Variants in PAM observed in about 807,000 individuals in gnomAD.
PAM encodes the protein peptidyl-glycine alpha-amidating monooxygenase.
A neutral mutation model predicts 122.1 loss-of-function variants in PAM; 72 were observed. The ratio of observed to expected loss-of-function variants is 0.59; its 90% CI spans 0.49 to 0.72. The LOEUF (loss-of-function observed/expected upper bound fraction) is 0.72, where lower values mean the gene tolerates loss of function less well. Ranked by LOEUF, PAM falls within the 30% of genes least tolerant of loss-of-function variation. The pLI is 0.00. For synonymous variants in PAM, 389 were observed against 404.4 expected, an observed-to-expected ratio of 0.96 and a Z score of 0.46; for missense variants, 1,106 against 1,183.7, an observed-to-expected ratio of 0.93 and a Z score of 0.96.
At chr5:102,900,809 A>G (rs1288969588) in intron 3 of PAM, among the ~76,000 whole-genome samples, 3 of 151,592 alleles carry the variant, frequency 2.0e-5, no homozygotes, top group African/African-American at 7.3e-5. Flanking sequence ...GATGAGACCA[A>G]TAACTAGAAA....
intron 15 of PAM, among the ~76,000 whole-genome samples, chr5:102,989,152 A>G (rs1371844126): frequency 2.6e-5 from 4 of 152,166 alleles, no homozygotes; most frequent in African/African-American, 9.7e-5. Flanking sequence ...TATATCCTCA[A>G]TTAGTATAGA....
At position 102,867,373 on chromosome 5, in the gene PAM, C is replaced by A; in HGVS notation, c.190C>A (p.Pro64Thr). 1.2e-6 allele frequency: 2 copies of A among 1,608,862 alleles called. No individual in the cohort carries two copies. The highest frequency in any genetic ancestry group is 1.7e-6 in the Non-Finnish European group (2 of 1,175,554). Residue 64 changes from proline (P) to threonine (T), a missense_variant, in exon 3 of 26, where the codon CCT (proline) becomes ACT (threonine). This residue lies in a region of PAM where 670 missense variants were observed against 690.3 expected (regional missense o/e 0.97). Transcript: ENST00000438793. ...AGATTTTGCATTGGATATTCGCATG[C>A]CTGGGGTTACACCTAAACAGGTGAG... The part of the protein sequence containing the change: ...SSDFALDIRM[P>T]GVTPKQSDTY...
At chr5:102,864,301 CAGA>C (rs1208726176) in intron 1 of PAM, among the ~76,000 whole-genome samples, 1 of 151,600 alleles carries the variant, frequency 6.6e-6, no homozygotes, top group East Asian at 1.9e-4. Context: ...TCTCTTCCTC[CAGA>C]AGGAGTTCTT....
intron 1 of PAM, among the ~76,000 whole-genome samples, chr5:102,764,831 C>A (rs1267950882): frequency 6.6e-6 from 1 of 152,208 alleles, no homozygotes; most frequent in Non-Finnish European, 1.5e-5. Flanking sequence ...ATGACAATCC[C>A]TTCATCAGCC....
rs34520533 is a variant in PAM at position 102,948,364 on chromosome 5, AT to A, written c.576-7del. ...TTTTCAGGTATTTTAGAAAAATGTT[AT>A]TTTTTTCTGCAGACAGCCTTTAATT... On this transcript the variant is annotated splice_polypyrimidine_tract_variant and intron_variant, in intron 8 of 25. Coordinates refer to ENST00000438793, the MANE Select transcript of PAM (RefSeq NM_001177306.2). The A allele has an allele frequency of 1.3e-6, 2 of 1,516,236 alleles. No homozygotes were observed. Among genetic ancestry groups the A allele is most frequent in the Non-Finnish European group, 1.8e-6 (2 of 1,096,256 alleles). The allele number at this position is 1,516,236 out of a possible 1,614,324, so 93.9% of individuals were successfully genotyped here.
chr5:102,918,386 A>G (rs1364424949), intron 5 of PAM, among the ~76,000 whole-genome samples: 2 of 152,188 alleles, frequency 1.3e-5, no homozygotes, highest in African/African-American at 4.8e-5. Context: ...TTAGCTGAAT[A>G]TGAGCCTAAA....
intron 21 of PAM, among the ~76,000 whole-genome samples, chr5:103,011,136 T>G (rs1780485988): frequency 6.6e-6 from 1 of 152,142 alleles, no homozygotes; most frequent in African/African-American, 2.4e-5. Context: ...AAAGCATAAC[T>G]CTGTTAGCTT....
intron 1 of PAM, among the ~76,000 whole-genome samples, chr5:102,816,654 A>G (rs1453916367): frequency 6.6e-6 from 1 of 152,052 alleles, no homozygotes; most frequent in East Asian, 1.9e-4. Flanking sequence ...AAAGTGCCAC[A>G]TTCATCTGGT....
intron 1 of PAM, among the ~76,000 whole-genome samples, chr5:102,864,133 G>T (rs1338846489): frequency 1.4e-5 from 2 of 145,158 alleles, no homozygotes; most frequent in Non-Finnish European, 3.0e-5. Flanking sequence ...ATCCTGTTCT[G>T]AATAAAATAT....
Position 103,006,980 on chromosome 5 carries a change from A to T in PAM, c.1983A>T (p.Pro661=). 1.2e-6 allele frequency: 2 copies of T among 1,613,770 alleles called. No homozygotes were observed. The highest frequency in any genetic ancestry group is 1.7e-6 in the Non-Finnish European group (2 of 1,179,764). Residue 661 remains proline (P), a synonymous_variant, in exon 19 of 26, where the codon CCA becomes CCT. Transcript: ENST00000438793. ...YCNSRIVQFS[P]SGKFITQWGE... is the part of the protein sequence containing the mutation. The stretch of plus-strand genomic sequence containing the variant: ...ACAGCAGGATTGTGCAGTTTTCACC[A>T]AGTGGAAAGTTCATCACACAGTGGG...
intron 15 of PAM, among the ~76,000 whole-genome samples, chr5:102,975,065 A>G (rs1254909566): frequency 1.3e-5 from 2 of 152,198 alleles, no homozygotes; most frequent in Non-Finnish European, 2.9e-5. Flanking sequence ...AAGTAGAGGA[A>G]AATACCTTAT....
chr5:102,838,729 CAG>C (rs1777747699), intron 1 of PAM: 1 of 152,126 alleles, frequency 6.6e-6, no homozygotes, highest in Non-Finnish European at 1.5e-5. Flanking sequence ...GAGGAGAAGG[CAG>C]AGTTAGTTTC....
chr5:102,985,889 G>A (rs1771659018), intron 15 of PAM, among the ~76,000 whole-genome samples: 1 of 152,080 alleles, frequency 6.6e-6, no homozygotes, highest in African/African-American at 2.4e-5. Context: ...AAGAGATAAT[G>A]CATCATGAGC....
chr5:102,949,791 T>C, intron 10 of PAM, 111 bp from the exon 11 acceptor site: 1 of 709,342 alleles, frequency 1.4e-6, no homozygotes, highest in Non-Finnish European at 2.5e-6. Flanking sequence ...TACTCAGTCT[T>C]TGCAGCTCTG....
chr5:102,861,295 A>G (rs550821609), intron 1 of PAM, among the ~76,000 whole-genome samples: 35 of 152,304 alleles, frequency 2.3e-4, no homozygotes, highest in Non-Finnish European at 3.5e-4. Context: ...TTCACCTACT[A>G]TGTTTTGGGA....
chr5:103,004,319 C>T (rs1778281981), intron 17 of PAM, among the ~76,000 whole-genome samples: 2 of 152,132 alleles, frequency 1.3e-5, no homozygotes, highest in African/African-American at 4.8e-5. Context: ...ACTTGGCCAT[C>T]GGTGGAGTAT....
At chr5:102,831,581 A>G (rs1370658409) in intron 1 of PAM, among the ~76,000 whole-genome samples, 1 of 152,144 alleles carries the variant, frequency 6.6e-6, no homozygotes, top group Non-Finnish European at 1.5e-5. Context: ...AAATATGTTT[A>G]TCAATAGCTG....
intron 7 of PAM, among the ~76,000 whole-genome samples, chr5:102,936,213 G>A (rs1753200334): frequency 6.6e-6 from 1 of 152,032 alleles, no homozygotes; most frequent in Non-Finnish European, 1.5e-5. Context: ...GCTGTGGTGG[G>A]AAAATTTACA....
intron 5 of PAM, among the ~76,000 whole-genome samples, chr5:102,924,503 A>G (rs1368757591): frequency 6.6e-6 from 1 of 151,400 alleles, no homozygotes; most frequent in African/African-American, 2.4e-5. Flanking sequence ...CACTGATGGT[A>G]GGCACTGTAG....
Sources: allele counts gnomAD v4.1 joint callset (sites outside exome capture counted in the v4.1 genomes callset), GRCh38; gene constraint gnomAD v4.1.1; regional missense constraint gnomAD v4.1.1; transcripts MANE v1.5; gene names NCBI Gene and HGNC (gene_info 2026-07-23, HGNC 2026-07-21).